Variants in KCNT1 observed in about 807,000 individuals in gnomAD.
KCNT1 encodes potassium channel subfamily T member 1.
KCNT1 carries 78 observed loss-of-function variants against 147.8 expected under a neutral mutation model. The observed-to-expected ratio is 0.53, with a 90% confidence interval of 0.44 to 0.64. The LOEUF (loss-of-function observed/expected upper bound fraction) is 0.64. KCNT1 is among the 30% of genes least tolerant of loss of function. The pLI is 0.00. For synonymous variants in KCNT1, 867 were observed against 748.8 expected (o/e 1.16, Z -2.58); for missense variants, 1,419 against 1,750.3 (o/e 0.81, Z 3.38).
chr9:135,751,778 T>C (rs1831189759), intron 4 of KCNT1, among the ~76,000 whole-genome samples: 1 of 152,154 alleles, frequency 6.6e-6, no homozygotes, highest in Non-Finnish European at 1.5e-5. Context: ...AGTCATGTCT[T>C]TGGGGACCAG....
At chr9:135,706,410 C>T (rs1835256396) in intron 1 of KCNT1, among the ~76,000 whole-genome samples, 2 of 152,230 alleles carry the variant, frequency 1.3e-5, no homozygotes, top group Admixed American at 1.3e-4. Flanking sequence ...GCCCACGGCC[C>T]CCAGGGGTGA....
rs190357006 is a variant in KCNT1, at chr9:135,734,898, G to A, written c.255-15200G>A. On this transcript the variant is annotated intron_variant, in intron 2 of 30. Transcript: ENST00000371757. ...TCGGCCCTTTGTGCAGTCATGGCGC[G>A]GTGAAGGGCCCTGCAGGCGGCGCCC... Among the ~76,000 whole-genome samples the A allele has an allele frequency of 9.0e-4, 137 of 152,290 alleles. 1 individual carries two copies. Among genetic ancestry groups the A allele is most frequent in the African/African-American group, 2.4e-3 (100 of 41,570 alleles).
At chr9:135,743,120 A>G (rs1188786887) in intron 2 of KCNT1, among the ~76,000 whole-genome samples, 2 of 151,998 alleles carry the variant, frequency 1.3e-5, no homozygotes, top group African/African-American at 4.8e-5. Flanking sequence ...CCTCCCAGGG[A>G]CAGGCAGGCA....
At chr9:135,747,513 G>A (rs985286631) in intron 2 of KCNT1, among the ~76,000 whole-genome samples, 5 of 152,182 alleles carry the variant, frequency 3.3e-5, no homozygotes, top group Admixed American at 6.5e-5. Context: ...CAGGCCCAGC[G>A]CAGCCTGGAC....
At chr9:135,708,825 G>A (rs941336257) in intron 1 of KCNT1, among the ~76,000 whole-genome samples, 5 of 152,196 alleles carry the variant, frequency 3.3e-5, no homozygotes, top group African/African-American at 4.8e-5. Flanking sequence ...AATTACAGGC[G>A]TGAGGCACCA....
At chr9:135,775,530 A>G in intron 20 of KCNT1, 115 bp downstream of exon 20, 1 of 710,166 alleles carries the variant, frequency 1.4e-6, no homozygotes, top group Non-Finnish European at 2.3e-6. Flanking sequence ...GCAAACTTCT[A>G]GCACAGCTGC....
intron 20 of KCNT1, among the ~76,000 whole-genome samples, chr9:135,776,893 G>A (rs957224476): frequency 2.6e-5 from 4 of 152,208 alleles, no homozygotes; most frequent in Admixed American, 6.5e-5. Context: ...CTTGGCCTTC[G>A]CCTGCTCCAG....
At chr9:135,787,680 C>T (rs935979356) in intron 29 of KCNT1, among the ~76,000 whole-genome samples, 32 of 152,304 alleles carry the variant, frequency 2.1e-4, no homozygotes, top group Non-Finnish European at 4.0e-4. Flanking sequence ...GAAGACCTTT[C>T]CCGGCCCCCA....
rs1258204552 is a variant in KCNT1 at position 135,752,372 on chromosome 9, T to A, written c.434+1331T>A. 6.6e-6 allele frequency: 3 copies of A among 456,348 alleles called. No individual in the cohort carries two copies. Among genetic ancestry groups the A allele is most frequent in the Non-Finnish European group, 1.3e-5 (3 of 226,916 alleles). 28.3% of individuals were successfully genotyped at this position (456,348 alleles called of 1,614,324 possible). Reference sequence around the variant, plus strand: ...CTCCTAAGAATGAACCTCCTGTCTTTGTCTAGGTCAGAAGAGGGCAGAACC... The same window carrying A: ...CTCCTAAGAATGAACCTCCTGTCTTAGTCTAGGTCAGAAGAGGGCAGAACC... On this transcript the variant is annotated intron_variant, in intron 4 of 30. Coordinates refer to ENST00000371757, the MANE Select transcript of KCNT1 (RefSeq NM_020822.3). The surrounding 1 kb of genome is among the most constrained non-coding windows in gnomAD (Gnocchi z 5.1).
chr9:135,792,146 C>G lies in KCNT1; in HGVS notation c.3693C>G (p.Asp1231Glu). 6.2e-7 allele frequency: 1 copy of G among 1,605,724 alleles called. No individual in the cohort carries two copies. The highest frequency in any genetic ancestry group is 8.5e-7 in the Non-Finnish European group (1 of 1,179,608). The change falls in exon 31 of 31, where the codon GAC (aspartate) becomes GAG (glutamate). Residue 1231 changes from aspartate (D) to glutamate (E), a missense_variant. This residue lies in a region of KCNT1 where 306 missense variants were observed against 294.2 expected (regional missense o/e 1.04). Transcript: ENST00000371757. ...CGTCCTGCAACCCCGAGACTCGCGA[C>G]GAGACACAGCTCTGAGCCAGCCCTG... Reference protein sequence around the residue: ...KLSSCNPETRDETQL With the variant: ...KLSSCNPETREETQL
At position 135,792,164 on chromosome 9, in the gene KCNT1, C is replaced by T. The variant is rs779620534; in HGVS notation, c.*3C>T. On this transcript the variant is annotated 3_prime_UTR_variant, in exon 31 of 31. Transcript: ENST00000371757. ...CTCGCGACGAGACACAGCTCTGAGC[C>T]AGCCCTGCACGGAGCTCAGGCCACC... 5 of 1,604,140 alleles carry T rather than the reference C, an allele frequency of 3.1e-6. No homozygotes were observed. Among genetic ancestry groups the T allele is most frequent in the Non-Finnish European group, 4.2e-6 (5 of 1,179,084 alleles).
intron 29 of KCNT1, chr9:135,791,305 C>G: frequency 5.6e-6 from 1 of 177,350 alleles, no homozygotes; most frequent in Middle Eastern, 2.4e-3. Flanking sequence ...GTGCAGGGGT[C>G]TGTGGATACC....
chr9:135,780,864 G>A (rs959076415), intron 24 of KCNT1, among the ~76,000 whole-genome samples: 3 of 152,248 alleles, frequency 2.0e-5, no homozygotes, highest in Admixed American at 1.3e-4. Flanking sequence ...GACCAAGTCT[G>A]ACCCTGTGTG....
At chr9:135,747,287 A>G (rs1248186413) in intron 2 of KCNT1, among the ~76,000 whole-genome samples, 1 of 147,758 alleles carries the variant, frequency 6.8e-6, no homozygotes, top group Non-Finnish European at 1.5e-5. Flanking sequence ...GGAGCAAGTG[A>G]GGTGAGCAGA....
intron 2 of KCNT1, among the ~76,000 whole-genome samples, chr9:135,735,247 C>A (rs76799983): frequency 6.6e-6 from 1 of 152,166 alleles, no homozygotes; most frequent in East Asian, 1.9e-4. Flanking sequence ...TCAGCCACAT[C>A]GGGGAGGGCG....
At chr9:135,753,726 G>GT in intron 4 of KCNT1, 1 of 604,296 alleles carries the variant, frequency 1.7e-6, no homozygotes, top group Non-Finnish European at 3.0e-6. Context: ...GCATTCCTCA[G>GT]TTAGAGGCCC....
In KCNT1 at chr9:135,786,380, C is replaced by T. The variant is rs1432732653; in HGVS notation, c.3361C>T (p.Pro1121Ser). The T allele has an allele frequency of 1.9e-6, 3 of 1,577,238 alleles. No individual in the cohort carries two copies. Among genetic ancestry groups the T allele is most frequent in the Admixed American group, 3.7e-5 (2 of 54,306 alleles). Residue 1121 changes from proline to serine, a missense_variant, in exon 29 of 31, where the codon CCC becomes TCC. By Grantham distance (74) the Pro-to-Ser change is moderately conservative (BLOSUM62 -1). Coordinates refer to ENST00000371757, the MANE Select transcript of KCNT1 (RefSeq NM_020822.3). ...GGCCCGGAGGCTGAGCCGCAAGGCG[C>T]CCAAGCAGGCAGGCCGGGCGGCGGC... is the stretch of plus-strand genomic sequence containing the variant. ...QWARRLSRKAPKQAGRAAAAE... is the reference protein window; with the variant it reads ...QWARRLSRKASKQAGRAAAAE...
chr9:135,773,207 G>T lies in KCNT1; in HGVS notation c.2243+258G>T, dbSNP rs576189760. On this transcript the variant is annotated intron_variant, in intron 19 of 30. Coordinates refer to ENST00000371757, the MANE Select transcript of KCNT1 (RefSeq NM_020822.3). ...TGCTGGGCTACACCCTTTCCAGTTG[G>T]GGCTGGGGGTGCAGAGCTAATTGGA... is the stretch of plus-strand genomic sequence containing the variant. Among the ~76,000 whole-genome samples the T allele has an allele frequency of 3.9e-5, 6 of 152,312 alleles. No homozygotes were observed. The East Asian group carries it at 9.7e-4, about 25-fold the overall frequency.
intron 19 of KCNT1, among the ~76,000 whole-genome samples, chr9:135,774,395 GTGTC>G (rs1032870176): frequency 7.0e-6 from 1 of 143,208 alleles, no homozygotes; most frequent in African/African-American, 2.6e-5. Context: ...CGTATGTTGT[GTGTC>G]CGTGTGTGTG....
Sources: allele counts gnomAD v4.1 joint callset (sites outside exome capture counted in the v4.1 genomes callset), GRCh38; gene constraint gnomAD v4.1.1; regional missense constraint gnomAD v4.1.1; non-coding constraint Gnocchi (gnomAD v3.1); transcripts MANE v1.5; gene names NCBI Gene and HGNC (gene_info 2026-07-23, HGNC 2026-07-21).